Variants in CEP76 observed in about 807,000 individuals in gnomAD.
The protein encoded by CEP76 is centrosomal protein 76, also known as centrosomal protein of 76 kDa.
In CEP76, 55 loss-of-function variants were observed where a neutral mutation model predicts 83.3. That is an observed-to-expected ratio of 0.66 (90% CI 0.53 to 0.83). CEP76 has a LOEUF of 0.83. Ranked by LOEUF, CEP76 falls within the 40% of genes least tolerant of loss-of-function variation. CEP76 has a pLI of 0.00. For synonymous variants in CEP76, 270 were observed against 274.5 expected, an observed-to-expected ratio of 0.98 and a Z score of 0.16; for missense variants, 694 against 799.5, an observed-to-expected ratio of 0.87 and a Z score of 1.59.
At chr18:12,700,818 G>T in intron 2 of CEP76, 140 bp downstream of exon 2, 1 of 602,250 alleles carries the variant, frequency 1.7e-6, no homozygotes, top group Non-Finnish European at 2.8e-6. Flanking sequence ...GCCTATACTT[G>T]AAACAAGGAC....
chr18:12,702,680 C>G lies in CEP76; in HGVS notation c.-132G>C, dbSNP rs1316778146. 2 of 1,024,546 alleles carry G rather than the reference C, an allele frequency of 2.0e-6. No homozygotes were observed. The highest frequency in any genetic ancestry group is 3.0e-5 in the Admixed American group (1 of 33,278). The allele number at this position is 1,024,546 out of a possible 1,614,324, so 63.5% of individuals were successfully genotyped here. On this transcript the variant is annotated 5_prime_UTR_variant, in exon 1 of 12. Coordinates refer to ENST00000262127, the MANE Select transcript of CEP76 (RefSeq NM_024899.4). ...GCAGCCGTTCGCCTAGCGCAGCTCC[C>G]GGGGGACGCAACGCCGCGTCAGGCC...
intron 7 of CEP76, among the ~76,000 whole-genome samples, chr18:12,690,413 G>C (rs552475155): frequency 6.6e-6 from 1 of 151,676 alleles, no homozygotes; most frequent in African/African-American, 2.4e-5. Context: ...TATTTGAACT[G>C]TTCCTTAGGA....
intron 9 of CEP76, among the ~76,000 whole-genome samples, chr18:12,678,789 C>G (rs1403113876): frequency 6.6e-6 from 1 of 152,024 alleles, no homozygotes; most frequent in Non-Finnish European, 1.5e-5. Flanking sequence ...AACCCCGTCT[C>G]TGCTAAAAAT....
At chr18:12,689,431 G>A (rs892043892) in intron 7 of CEP76, among the ~76,000 whole-genome samples, 1 of 152,172 alleles carries the variant, frequency 6.6e-6, no homozygotes, top group Non-Finnish European at 1.5e-5. Flanking sequence ...GTTTGGCCTT[G>A]AAAAGACTGT....
Position 12,680,831 on chromosome 18 carries a change from G to A in CEP76, c.1123-3C>T. On this transcript the variant is annotated splice_polypyrimidine_tract_variant and splice_region_variant and intron_variant, in intron 8 of 11. Transcript: ENST00000262127. ...TTAGCGTGATCTTCACAGTCACCCT[G>A]GAAGATAAATTAAAATGAAGTATTC... The A allele has an allele frequency of 6.3e-7, 1 of 1,599,584 alleles. No homozygotes were observed. The highest frequency in any genetic ancestry group is 8.5e-7 in the Non-Finnish European group (1 of 1,174,286).
Position 12,678,090 on chromosome 18 carries a change from C to G in CEP76, c.1623+19G>C, listed in dbSNP as rs921466436. ...AATGAAAAGAAGTATGAAACTACAA[C>G]TATTTCAGTGTGAATTACCTTCCTG... is the stretch of plus-strand genomic sequence containing the variant. On this transcript the variant is annotated intron_variant, in intron 10 of 11. Transcript: ENST00000262127. 3.8e-6 allele frequency: 6 copies of G among 1,577,678 alleles called. No individual in the cohort carries two copies. Among genetic ancestry groups the G allele is most frequent in the African/African-American group, 1.4e-5 (1 of 73,978 alleles).
At chr18:12,691,513 A>G (rs1313410662) in intron 6 of CEP76, 26 bp from the exon 7 acceptor site, 1 of 1,543,278 alleles carries the variant, frequency 6.5e-7, no homozygotes, top group East Asian at 2.3e-5. Flanking sequence ...AATATTTTTC[A>G]ATTTCTATTC....
chr18:12,697,061 C>A (rs1254050859), intron 5 of CEP76, among the ~76,000 whole-genome samples, 162 bp downstream of exon 5: 1 of 152,188 alleles, frequency 6.6e-6, no homozygotes, highest in Non-Finnish European at 1.5e-5. Context: ...TTCTTCAAGA[C>A]ATTTCTCAAG....
At chr18:12,665,366 G>T (rs1462398327) in intron 12 of CEP76, among the ~76,000 whole-genome samples, 6 of 152,088 alleles carry the variant, frequency 3.9e-5, no homozygotes, top group Non-Finnish European at 8.8e-5. Context: ...GGTAGAGGTT[G>T]CAGTGAATCG....
At chr18:12,669,556 T>C (rs1568005712), downstream of CEP76, among the ~76,000 whole-genome samples, 1 of 152,118 alleles carries the variant, frequency 6.6e-6, no homozygotes, top group Non-Finnish European at 1.5e-5. Context: ...TAGACATATA[T>C]AAAACTACAT....
At position 12,678,369 on chromosome 18, in the gene CEP76, T is replaced by A; in HGVS notation, c.1363A>T (p.Thr455Ser). ...EQPKPLYPYR[T>S]IGCVFNHQMF... is the part of the protein sequence containing the mutation. ...TGATGGTTGAAAACACAACCAATTG[T>A]TCGATATGGGTACAGTGGTTTGGGC... is the stretch of plus-strand genomic sequence containing the variant. The change falls in exon 10 of 12, where the codon ACA becomes TCA. Residue 455 changes from threonine (T) to serine (S), a missense_variant. Transcript: ENST00000262127. The A allele has an allele frequency of 6.2e-7, 1 of 1,614,130 alleles. No homozygotes were observed. The highest frequency in any genetic ancestry group is 1.1e-5 in the South Asian group (1 of 91,072).
At chr18:12,664,936 T>G (rs2038774499) in intron 12 of CEP76, 1 of 152,148 alleles carries the variant, frequency 6.6e-6, no homozygotes, top group Non-Finnish European at 1.5e-5. Flanking sequence ...TGATCTCAAG[T>G]GATCCACCCA....
chr18:12,695,393 A>G (rs931147765), intron 5 of CEP76, 42 bp from the exon 6 acceptor site: 2 of 956,508 alleles, frequency 2.1e-6, no homozygotes, highest in Middle Eastern at 6.5e-4. Context: ...TTTCAATACT[A>G]TATATATTTA....
downstream of CEP76, among the ~76,000 whole-genome samples, chr18:12,668,897 T>C (rs1201224451): frequency 6.6e-6 from 1 of 151,108 alleles, no homozygotes; most frequent in African/African-American, 2.4e-5. Flanking sequence ...TGGGCTACTA[T>C]GCCTGGCTAA....
At chr18:12,686,519 A>C in intron 7 of CEP76, 69 bp from the exon 8 acceptor site, 1 of 1,129,854 alleles carries the variant, frequency 8.9e-7, no homozygotes, top group South Asian at 1.4e-5. Context: ...TTTCAAATAC[A>C]TTAATGTAGG....
downstream of CEP76, among the ~76,000 whole-genome samples, chr18:12,669,359 G>A (rs188962428): frequency 5.3e-5 from 8 of 151,988 alleles, no homozygotes; most frequent in South Asian, 2.1e-4. Context: ...TGATCCGCCC[G>A]CCTTGGCCTT....
In CEP76 at chr18:12,678,453, T is replaced by G; in HGVS notation, c.1290-11A>C. ...GGTTTATGGATGTACCTAAAAAAATTAAATAATTTTATATATGAGAACTTA... is the reference window on the plus strand; with the variant it reads ...GGTTTATGGATGTACCTAAAAAAATGAAATAATTTTATATATGAGAACTTA... On this transcript the variant is annotated splice_polypyrimidine_tract_variant and intron_variant, in intron 9 of 11. Coordinates refer to ENST00000262127, the MANE Select transcript of CEP76 (RefSeq NM_024899.4). 3.3e-6 allele frequency: 5 copies of G among 1,534,434 alleles called. No individual in the cohort carries two copies. Among genetic ancestry groups the G allele is most frequent in the Non-Finnish European group, 4.4e-6 (5 of 1,133,784 alleles).
intron 7 of CEP76, among the ~76,000 whole-genome samples, chr18:12,688,179 C>T (rs1049411034): frequency 2.2e-4 from 33 of 147,362 alleles, no homozygotes; most frequent in Non-Finnish European, 3.4e-4. Flanking sequence ...TGCAGTGAGC[C>T]GAGATCGTGC....
chr18:12,662,640 G>A (rs976510228), intron 12 of CEP76, among the ~76,000 whole-genome samples: 1 of 152,154 alleles, frequency 6.6e-6, no homozygotes, highest in African/African-American at 2.4e-5. Context: ...AACCAGGCAT[G>A]GTGGTGCACA....
Sources: allele counts gnomAD v4.1 joint callset (sites outside exome capture counted in the v4.1 genomes callset), GRCh38; gene constraint gnomAD v4.1.1; transcripts MANE v1.5; gene names NCBI Gene and HGNC (gene_info 2026-07-23, HGNC 2026-07-21).